The following RARB variants were observed in gnomAD, a reference collection of about 807,000 sequenced individuals.
RARB encodes HBV-activated protein.
RARB carries 17 observed loss-of-function variants against 51.9 expected under a neutral mutation model. That is an observed-to-expected ratio of 0.33 (90% confidence interval 0.22 to 0.49). RARB has a LOEUF of 0.49. Among genes scored for constraint, RARB ranks in the 20% least tolerant of loss-of-function variants. The probability of loss-of-function intolerance (pLI) is 0.99; values close to 1 mark genes in which losing one functional copy is unlikely to be tolerated. For missense variants in RARB, 369 were observed against 550.8 expected (o/e 0.67, Z 3.30); for synonymous variants, 215 against 195.4 (o/e 1.10, Z -0.84).
rs1210257148 is a variant in RARB, at chr3:25,081,484, C to T, written c.-328+21308C>T. 4.1e-5 allele frequency among the ~76,000 whole-genome samples: 6 copies of T among 147,840 alleles called. No individual in the cohort carries two copies. The East Asian group carries it at 1.2e-3, about 30-fold the overall frequency. ...CTACATCATTACTGATTTTTGTTTA[C>T]TTGATGTATCAGCTCCTGAGAGAAG... On this transcript the variant is annotated intron_variant, in intron 3 of 11. Coordinates refer to the RARB transcript ENST00000383772.
Position 25,430,687 on chromosome 3 carries a change from G to T in RARB, c.157+1799G>T, listed in dbSNP as rs373793680. ...TCGCCTAAAACTACCCGATAAGCAAGAAGTGTTGATAACAGCAAAGTTTAG... is the reference window on the plus strand; with the variant it reads ...TCGCCTAAAACTACCCGATAAGCAATAAGTGTTGATAACAGCAAAGTTTAG... On this transcript the variant is annotated intron_variant, in intron 1 of 7. Coordinates refer to ENST00000330688, the MANE Select transcript of RARB (RefSeq NM_000965.5). Among the ~76,000 whole-genome samples the T allele has an allele frequency of 2.6e-4, 40 of 152,316 alleles. No individual in the cohort carries two copies. The South Asian group carries it at 8.1e-3, about 31-fold the overall frequency.
At chr3:25,379,430 T>C (rs900586767) in intron 5 of RARB, among the ~76,000 whole-genome samples, 1 of 152,220 alleles carries the variant, frequency 6.6e-6, no homozygotes, top group Non-Finnish European at 1.5e-5. Context: ...GTATGTCAGA[T>C]TATGTCTCTA....
intron 2 of RARB, among the ~76,000 whole-genome samples, chr3:24,894,271 G>A (rs1265711857): frequency 4.5e-5 from 4 of 89,680 alleles, no homozygotes; most frequent in Admixed American, 1.2e-4. Flanking sequence ...TGCCGCCCCC[G>A]CCCCCGCCCT....
At chr3:25,204,489 A>G (rs1701479306) in intron 5 of RARB, among the ~76,000 whole-genome samples, 1 of 152,162 alleles carries the variant, frequency 6.6e-6, no homozygotes, top group Admixed American at 6.5e-5. Flanking sequence ...CCTTTAGAGG[A>G]GGAGAGGCAC....
At chr3:25,268,848 T>C (rs17579478) in intron 5 of RARB, among the ~76,000 whole-genome samples, 66,609 of 152,030 alleles carry the variant, frequency 0.44, 15,604 homozygotes, top group East Asian at 0.68. Flanking sequence ...TATGATTTGG[T>C]ATCAAAATAT....
At chr3:25,209,301 T>G (rs1489337127) in intron 5 of RARB, among the ~76,000 whole-genome samples, 1 of 152,210 alleles carries the variant, frequency 6.6e-6, no homozygotes, top group Non-Finnish European at 1.5e-5. Context: ...CTATTGTGAT[T>G]TTATTCAACT....
At chr3:25,468,912 G>C (rs904463046) in intron 2 of RARB, among the ~76,000 whole-genome samples, 1 of 152,206 alleles carries the variant, frequency 6.6e-6, no homozygotes, top group African/African-American at 2.4e-5. Flanking sequence ...CCACAATCCA[G>C]CCTGTCCTGC....
At chr3:25,034,764 A>G (rs1434486431) in intron 2 of RARB, among the ~76,000 whole-genome samples, 1 of 152,100 alleles carries the variant, frequency 6.6e-6, no homozygotes, top group East Asian at 1.9e-4. Context: ...GATTTGAAAC[A>G]TTTTTAATCA....
At chr3:24,958,944 A>T (rs1485862771) in intron 2 of RARB, among the ~76,000 whole-genome samples, 1 of 152,100 alleles carries the variant, frequency 6.6e-6, no homozygotes, top group Non-Finnish European at 1.5e-5. Context: ...CCCTTGTGGG[A>T]GGGGGATCAC....
At chr3:25,001,357 C>G (rs1697154760) in intron 2 of RARB, among the ~76,000 whole-genome samples, 1 of 152,152 alleles carries the variant, frequency 6.6e-6, no homozygotes. Flanking sequence ...ACCTAAAGTT[C>G]TAATTTGCCC....
Position 25,516,631 on chromosome 3 carries a change from C to CTTTTTTTTTTTCTT in RARB, c.448+15319_448+15320insCTTTTTTTTTTTTT, listed in dbSNP as rs1553626698. Among the ~76,000 whole-genome samples the CTTTTTTTTTTTCTT allele has an allele frequency of 9.3e-4, 123 of 131,696 alleles. 8 individuals are homozygous for CTTTTTTTTTTTCTT. The highest frequency in any genetic ancestry group is 3.9e-3 in the African/African-American group (118 of 30,466). 86.4% of individuals were successfully genotyped at this position (131,696 alleles called of 152,430 possible). A position where few individuals can be genotyped will look rare whatever the true frequency, so the allele number is the denominator to read the frequency against. Reference sequence around the variant, plus strand: ...CAAAGGTTCATCTTTATTTCCTTGTCTTTTTTTTTTTTTGAGACAGGGTCA... The same window carrying CTTTTTTTTTTTCTT: ...CAAAGGTTCATCTTTATTTCCTTGTCTTTTTTTTTTTCTTTTTTTTTTTTTTTGAGACAGGGTCA... On this transcript the variant is annotated intron_variant, in intron 3 of 7. Transcript: ENST00000330688.
intron 5 of RARB, among the ~76,000 whole-genome samples, chr3:25,221,501 T>C (rs1205113522): frequency 1.3e-5 from 2 of 152,214 alleles, no homozygotes; most frequent in East Asian, 1.9e-4. Flanking sequence ...AATCCTCCTT[T>C]GTCATCATGT....
intron 5 of RARB, among the ~76,000 whole-genome samples, chr3:25,584,386 G>A (rs2125311597): frequency 6.6e-6 from 1 of 152,296 alleles, no homozygotes; most frequent in African/African-American, 2.4e-5. Context: ...AATCAGGGAT[G>A]GAGCACAACA....
intron 3 of RARB, among the ~76,000 whole-genome samples, chr3:25,536,547 C>T (rs748805940): frequency 1.2e-4 from 19 of 152,142 alleles, no homozygotes; most frequent in Non-Finnish European, 2.5e-4. Context: ...TCAAACCATT[C>T]GTTAGAAAGT....
intron 2 of RARB, among the ~76,000 whole-genome samples, chr3:24,978,474 T>C (rs1349626987): frequency 1.3e-5 from 2 of 152,192 alleles, no homozygotes; most frequent in Non-Finnish European, 1.5e-5. Flanking sequence ...CTTCCTAGTT[T>C]AGTCTTGGGA....
intron 2 of RARB, among the ~76,000 whole-genome samples, chr3:25,491,300 A>G (rs1696724339): frequency 6.6e-6 from 1 of 151,644 alleles, no homozygotes; most frequent in Non-Finnish European, 1.5e-5. Flanking sequence ...TCCCTTTTAC[A>G]CTACAAAAAT....
At chr3:25,356,768 G>T (rs971524905) in intron 5 of RARB, among the ~76,000 whole-genome samples, 2 of 152,054 alleles carry the variant, frequency 1.3e-5, no homozygotes, top group Non-Finnish European at 2.9e-5. Flanking sequence ...TGCGGTGTTT[G>T]GTTTTCTGTT....
chr3:24,854,872 C>T (rs768758732), intron 1 of RARB, among the ~76,000 whole-genome samples: 4 of 152,190 alleles, frequency 2.6e-5, no homozygotes, highest in East Asian at 1.9e-4. Flanking sequence ...CTGCTCAAAA[C>T]GATCTGCTGA....
At chr3:25,205,489 G>A (rs1262747654) in intron 5 of RARB, among the ~76,000 whole-genome samples, 1 of 152,106 alleles carries the variant, frequency 6.6e-6, no homozygotes, top group African/African-American at 2.4e-5. Flanking sequence ...AGTTGGAAAT[G>A]CAGAAATAAT....
Sources: allele counts gnomAD v4.1 joint callset (sites outside exome capture counted in the v4.1 genomes callset), GRCh38; gene constraint gnomAD v4.1.1; transcripts MANE v1.5; gene names NCBI Gene and HGNC (gene_info 2026-07-23, HGNC 2026-07-21).